MMEL1: variants seen among roughly 807,000 people sequenced by gnomAD.
MMEL1 encodes membrane metalloendopeptidase like 1.
A neutral mutation model predicts 117.1 loss-of-function variants in MMEL1; 98 were observed. That is an observed-to-expected ratio of 0.84 (90% confidence interval 0.71 to 0.99). MMEL1 has a LOEUF of 0.99. MMEL1 is among the 50% of genes least tolerant of loss of function. MMEL1 has a pLI of 0.00. For synonymous variants in MMEL1, 390 were observed against 415.1 expected (o/e 0.94, Z 0.74); for missense variants, 1,014 against 1,049.1 (o/e 0.97, Z 0.46).
chr1:2,619,763 A>G (rs1309811769), intron 2 of MMEL1, among the ~76,000 whole-genome samples: 1 of 152,164 alleles, frequency 6.6e-6, no homozygotes, highest in East Asian at 1.9e-4. Context: ...AGTTGTTGAG[A>G]TTTATAAAAC....
At chr1:2,609,931 TGG>T (rs1277986693) in intron 4 of MMEL1, 100 bp from the exon 5 acceptor site, 20 of 1,338,556 alleles carry the variant, frequency 1.5e-5, no homozygotes, top group Non-Finnish European at 1.9e-5. Context: ...CCTGGTCCCT[TGG>T]GAAGGGGCTG....
intron 8 of MMEL1, among the ~76,000 whole-genome samples, chr1:2,606,009 C>T (rs111477726): frequency 6.1e-4 from 93 of 152,304 alleles, no homozygotes; most frequent in African/African-American, 2.2e-3. Flanking sequence ...CAGGAGCCCC[C>T]GCCCCTCTGA....
chr1:2,627,662 G>A (rs914715117), intron 2 of MMEL1, among the ~76,000 whole-genome samples: 2 of 152,178 alleles, frequency 1.3e-5, no homozygotes, highest in Admixed American at 6.5e-5. Context: ...AAAAACTCAT[G>A]TCTGGAAATT....
intron 2 of MMEL1, among the ~76,000 whole-genome samples, chr1:2,618,907 C>T (rs749258562): frequency 3.3e-5 from 5 of 152,262 alleles, no homozygotes; most frequent in Non-Finnish European, 5.9e-5. Context: ...GCTGGCACCA[C>T]TGGCCCTGGA....
intron 9 of MMEL1, among the ~76,000 whole-genome samples, chr1:2,604,648 C>T (rs1644992647): frequency 6.6e-6 from 1 of 151,566 alleles, no homozygotes; most frequent in Admixed American, 6.6e-5. Flanking sequence ...GTGGTGGGTG[C>T]CGGGGTGGTG....
At chr1:2,607,684 C>T (rs1157459791) in intron 6 of MMEL1, among the ~76,000 whole-genome samples, 1 of 152,120 alleles carries the variant, frequency 6.6e-6, no homozygotes, top group Non-Finnish European at 1.5e-5. Flanking sequence ...GGCAGGTGCC[C>T]CGTCAGGTCA....
chr1:2,593,814 C>T lies in MMEL1; in HGVS notation c.1867G>A (p.Gly623Ser), dbSNP rs778016086. 1 of 1,602,352 alleles carries T rather than the reference C, an allele frequency of 6.2e-7. No homozygotes were observed. The highest frequency in any genetic ancestry group is 8.5e-7 in the Non-Finnish European group (1 of 1,172,902). ...TGTGATTGGAGGGGCGGCCGCTCAC[C>T]ATTGTCGTCAAAGCCGTGCGTGATC... The part of the protein sequence containing the change: ...HEITHGFDDN[G>S]RNFDKNGNMM... The change falls in exon 19 of 24, where the codon GGC (glycine) becomes AGC (serine). Residue 623 changes from glycine (G) to serine (S), a missense_variant and splice_region_variant. Gly to Ser is a moderately conservative substitution (Grantham distance 56, BLOSUM62 0). Coordinates refer to ENST00000378412, the MANE Select transcript of MMEL1 (RefSeq NM_033467.4).
intron 12 of MMEL1, 88 bp from the exon 13 acceptor site, chr1:2,598,388 G>C (rs546592996): frequency 7.3e-7 from 1 of 1,374,892 alleles, no homozygotes; most frequent in Non-Finnish European, 1.0e-6. Context: ...TGGCCAGCAC[G>C]TTCCACCCCA....
intron 2 of MMEL1, among the ~76,000 whole-genome samples, chr1:2,624,977 A>T (rs182634704): frequency 4.5e-4 from 68 of 152,304 alleles, no homozygotes; most frequent in African/African-American, 1.6e-3. Context: ...TCAAACAACC[A>T]GATCTCGTGA....
Position 2,595,571 on chromosome 1 carries a change from G to C in MMEL1, c.1501-212C>G, listed in dbSNP as rs952762510. Among the ~76,000 whole-genome samples the C allele has an allele frequency of 1.3e-5, 2 of 152,248 alleles. No individual in the cohort carries two copies. Among genetic ancestry groups the C allele is most frequent in the South Asian group, 4.1e-4 (2 of 4,822 alleles). On this transcript the variant is annotated intron_variant, in intron 15 of 23. Coordinates refer to ENST00000378412, the MANE Select transcript of MMEL1 (RefSeq NM_033467.4). The surrounding 1 kb of genome is among the most constrained non-coding windows in gnomAD (Gnocchi z 4.8). ...GTTTAATGGGGACAGAATATGGAAG[G>C]CTCCGCCCACCTGACCTAGAGCCCA...
intron 2 of MMEL1, among the ~76,000 whole-genome samples, chr1:2,621,586 GT>G (rs1057131135): frequency 5.6e-5 from 7 of 124,702 alleles, no homozygotes; most frequent in African/African-American, 2.2e-4. Flanking sequence ...TTTTTTTTTT[GT>G]TTTGGAGATG....
At chr1:2,607,233 C>T (rs1645044126) in intron 6 of MMEL1, among the ~76,000 whole-genome samples, 164 bp from the exon 7 acceptor site, 1 of 152,250 alleles carries the variant, frequency 6.6e-6, no homozygotes, top group South Asian at 2.1e-4. Flanking sequence ...CCTGCACCCT[C>T]CCGTCACAGG....
intron 11 of MMEL1, among the ~76,000 whole-genome samples, chr1:2,603,312 C>T (rs893684556): frequency 1.3e-5 from 2 of 152,194 alleles, no homozygotes; most frequent in South Asian, 2.1e-4. Context: ...AGGAGGCCCT[C>T]GAGAAGGCCA....
At position 2,632,845 on chromosome 1, in the gene MMEL1, C is replaced by A. The variant is rs540370886; in HGVS notation, c.-38+21G>T. The A allele has an allele frequency of 1.0e-5, 10 of 985,498 alleles. No homozygotes were observed. The East Asian group carries it at 6.7e-4, about 66-fold the overall frequency. 61.0% of individuals were successfully genotyped at this position (985,498 alleles called of 1,614,324 possible). A position where few individuals can be genotyped will look rare whatever the true frequency, so the allele number is the denominator to read the frequency against. ...AAGGCCCAGGAAAGCAGGCCGGGTA[C>A]CTTCCTTCAGCACAACTCACCTTTG... On this transcript the variant is annotated intron_variant, in intron 1 of 23. Coordinates refer to ENST00000378412, the MANE Select transcript of MMEL1 (RefSeq NM_033467.4).
chr1:2,618,242 C>T (rs1313218832), intron 2 of MMEL1, among the ~76,000 whole-genome samples: 2 of 152,074 alleles, frequency 1.3e-5, no homozygotes, highest in Non-Finnish European at 2.9e-5. Context: ...TGAAAAGAGC[C>T]TGGCACCTCT....
At chr1:2,617,329 A>G (rs1286502735) in intron 2 of MMEL1, among the ~76,000 whole-genome samples, 1 of 149,502 alleles carries the variant, frequency 6.7e-6, no homozygotes, top group Non-Finnish European at 1.5e-5. Flanking sequence ...CGGGAGGCTG[A>G]GGCAGGAGAA....
In MMEL1 at chr1:2,612,772, G is replaced by A. The variant is rs886129981; in HGVS notation, c.155-568C>T. ...GGAGGGGCCTGCCTGGTCAGCATCG[G>A]GGGCTCCTGGGATGGCTGTCAACTG... On this transcript the variant is annotated intron_variant, in intron 2 of 23. Coordinates refer to ENST00000378412, the MANE Select transcript of MMEL1 (RefSeq NM_033467.4). This position sits in a 1 kb window ranked among gnomAD's most constrained non-coding sequence, Gnocchi z 5.4. Among the ~76,000 whole-genome samples, 1 of 152,160 alleles carries A rather than the reference G, an allele frequency of 6.6e-6. No homozygotes were observed. Among genetic ancestry groups the A allele is most frequent in the Non-Finnish European group, 1.5e-5 (1 of 68,022 alleles).
At chr1:2,594,046 G>A in intron 18 of MMEL1, 113 bp from the exon 19 acceptor site, 1 of 1,351,760 alleles carries the variant, frequency 7.4e-7, no homozygotes, top group Non-Finnish European at 9.8e-7. Context: ...AGACCGGGAG[G>A]CAGAGGTCAG....
chr1:2,616,576 A>G (rs953797112), intron 2 of MMEL1, among the ~76,000 whole-genome samples: 4 of 152,204 alleles, frequency 2.6e-5, no homozygotes, highest in African/African-American at 9.6e-5. Flanking sequence ...AGCTGAGAAC[A>G]TGTGTCTCTA....
Sources: allele counts gnomAD v4.1 joint callset (sites outside exome capture counted in the v4.1 genomes callset), GRCh38; gene constraint gnomAD v4.1.1; non-coding constraint Gnocchi (gnomAD v3.1); transcripts MANE v1.5; gene names NCBI Gene and HGNC (gene_info 2026-07-23, HGNC 2026-07-21).